ATM: variants seen among roughly 807,000 people sequenced by gnomAD.
ATM encodes the protein serine-protein kinase ATM.
A neutral mutation model predicts 387.0 loss-of-function variants in ATM; 308 were observed. The ratio of observed to expected loss-of-function variants is 0.80; its 90% confidence interval spans 0.73 to 0.87. The LOEUF (loss-of-function observed/expected upper bound fraction) is 0.87. ATM is among the 40% of genes least tolerant of loss of function. ATM has a pLI of 0.00. For synonymous variants in ATM, 1,156 were observed against 1,187.3 expected, an observed-to-expected ratio of 0.97 and a Z score of 0.54; for missense variants, 3,312 against 3,560.9, an observed-to-expected ratio of 0.93 and a Z score of 1.78.
In ATM at chr11:108,325,249, G is replaced by GTTTTTTTTTTT; in HGVS notation, c.6573-52_6573-42dup. On this transcript the variant is annotated intron_variant, in intron 45 of 62. Coordinates refer to ENST00000675843, the MANE Select transcript of ATM (RefSeq NM_000051.4). ...TATCGTAAGTTCCAGAACTTACATA[G>GTTTTTTTTTTT]TTTTTTTTTTTTTTTTTTTCATTTC... 7.1e-6 allele frequency: 4 copies of GTTTTTTTTTTT among 565,840 alleles called. 1 individual carries two copies. The African/African-American group carries it at 7.2e-5, about 10-fold the overall frequency. 35.1% of individuals were successfully genotyped at this position (565,840 alleles called of 1,614,324 possible). A position where few individuals can be genotyped will look rare whatever the true frequency, so the allele number is the denominator to read the frequency against.
chr11:108,304,611 TA>T, intron 36 of ATM, 63 bp from the exon 37 acceptor site: 1 of 1,507,444 alleles, frequency 6.6e-7, no homozygotes, highest in Non-Finnish European at 9.1e-7. Flanking sequence ...AAATTTTAAG[TA>T]AAATGTATTA....
At chr11:108,322,586 G>A (rs1280907310) in intron 45 of ATM, among the ~76,000 whole-genome samples, 1 of 152,166 alleles carries the variant, frequency 6.6e-6, no homozygotes, top group African/African-American at 2.4e-5. Flanking sequence ...ATGATCCAGG[G>A]ATTTTGGAAG....
rs527826471 is a variant in ATM at position 108,278,343 on chromosome 11, C to CTGAG, written c.3285-1145_3285-1144insGTGA. The stretch of plus-strand genomic sequence containing the variant: ...TTTCACAGATAAAAGCAAATGTATG[C>CTGAG]TGAACTTTAAGGACTGAGGTAATAT... On this transcript the variant is annotated intron_variant, in intron 22 of 62. Transcript: ENST00000675843. 1.4e-3 allele frequency among the ~76,000 whole-genome samples: 208 copies of CTGAG among 152,136 alleles called. 1 individual carries two copies. Among genetic ancestry groups the CTGAG allele is most frequent in the African/African-American group, 4.7e-3 (196 of 41,498 alleles).
At chr11:108,334,379 GTAT>G (rs1387527026) in intron 54 of ATM, among the ~76,000 whole-genome samples, 2 of 152,070 alleles carry the variant, frequency 1.3e-5, no homozygotes, top group South Asian at 2.1e-4. Context: ...AATATAGTAT[GTAT>G]TATTATAATA....
intron 16 of ATM, 21 bp downstream of exon 16, chr11:108,259,096 G>T (rs2080703905): frequency 6.3e-7 from 1 of 1,590,376 alleles, no homozygotes; most frequent in Non-Finnish European, 8.6e-7. Context: ...TTCCTGTTTT[G>T]CTATCATATT....
In ATM at chr11:108,227,819, C is replaced by A. The variant is rs1555054109; in HGVS notation, c.116C>A (p.Thr39Lys). The A allele has an allele frequency of 6.2e-7, 1 of 1,613,650 alleles. No individual in the cohort carries two copies. The highest frequency in any genetic ancestry group is 8.5e-7 in the Non-Finnish European group (1 of 1,179,836). ...KFKRLIRDPE[T>K]IKHLDRHSDS... Reference sequence around the variant, plus strand: ...AAGCGCCTGATTCGAGATCCTGAAACAATTAAACATCTAGATCGGCATTCA... The same window carrying A: ...AAGCGCCTGATTCGAGATCCTGAAAAAATTAAACATCTAGATCGGCATTCA... The change falls in exon 3 of 63, where the codon ACA becomes AAA. Residue 39 changes from threonine to lysine, a missense_variant. Thr to Lys is a moderately conservative substitution (Grantham distance 78). Coordinates refer to ENST00000675843, the MANE Select transcript of ATM (RefSeq NM_000051.4).
chr11:108,272,324 T>C (rs2081626445), intron 20 of ATM, among the ~76,000 whole-genome samples: 1 of 152,202 alleles, frequency 6.6e-6, no homozygotes, highest in Admixed American at 6.5e-5. Context: ...ATAAAACAAA[T>C]AATATACGCT....
rs1555054039 is a variant in ATM at position 108,227,773 on chromosome 11, C to T, written c.73-3C>T. On this transcript the variant is annotated splice_region_variant and splice_polypyrimidine_tract_variant and intron_variant, in intron 2 of 62. Transcript: ENST00000675843. ...CCCATTATTATTTCCTTTTTATTTTCAGAAAGAAGTTGAGAAATTTAAGCG... is the reference window on the plus strand; with the variant it reads ...CCCATTATTATTTCCTTTTTATTTTTAGAAAGAAGTTGAGAAATTTAAGCG... 6.2e-7 allele frequency: 1 copy of T among 1,613,152 alleles called. No homozygotes were observed.
rs3092836 is a variant in ATM at position 108,366,935 on chromosome 11, T to C, written c.*1427T>C. 0.02 allele frequency: 4,373 copies of C among 221,776 alleles called. 125 individuals are homozygous for C. The highest frequency in any genetic ancestry group is 0.077 in the African/African-American group (3,438 of 44,764). 13.7% of individuals were successfully genotyped at this position (221,776 alleles called of 1,614,324 possible). On this transcript the variant is annotated 3_prime_UTR_variant, in exon 63 of 63. Transcript: ENST00000675843. ...CCGTGGGTTAATGAGACTGGCAAATTGTTCCAGGACAGCTACAGCATCAGC... is the reference window on the plus strand; with the variant it reads ...CCGTGGGTTAATGAGACTGGCAAATCGTTCCAGGACAGCTACAGCATCAGC...
chr11:108,309,013 A>G, intron 38 of ATM: 4 of 1,528,472 alleles, frequency 2.6e-6, no homozygotes, highest in Non-Finnish European at 2.6e-6. Flanking sequence ...CAGGAGTTGG[A>G]GAAGATAAAA....
chr11:108,295,288 T>G, intron 32 of ATM: 1 of 512,658 alleles, frequency 2.0e-6, no homozygotes, highest in South Asian at 2.3e-5. Context: ...AACCCAAATA[T>G]GATCATGTTT....
intron 11 of ATM, 125 bp downstream of exon 11, chr11:108,252,156 A>G (rs2080190007): frequency 1.3e-6 from 1 of 797,238 alleles, no homozygotes; most frequent in Admixed American, 2.8e-5. Context: ...TCTAACCTTA[A>G]TTATTAAATA....
At chr11:108,327,531 T>C (rs1341282686) in intron 47 of ATM, 114 bp from the exon 48 acceptor site, 16 of 807,534 alleles carry the variant, frequency 2.0e-5, no homozygotes, top group South Asian at 3.0e-5. Context: ...ACTTTTTTTT[T>C]CCCACCCACC....
At chr11:108,286,261 C>T (rs2082483727) in intron 26 of ATM, among the ~76,000 whole-genome samples, 2 of 127,338 alleles carry the variant, frequency 1.6e-5, no homozygotes, top group South Asian at 5.0e-4. Context: ...TGCAGTGAGC[C>T]AAGATTGTAC....
intron 4 of ATM, among the ~76,000 whole-genome samples, chr11:108,235,363 C>T (rs532138082): frequency 1.1e-4 from 16 of 151,546 alleles, no homozygotes; most frequent in Admixed American, 9.8e-4. Context: ...GGCAAACTTA[C>T]TGTGTAAAGA....
intron 5 of ATM, among the ~76,000 whole-genome samples, chr11:108,242,600 C>T (rs936377972): frequency 1.3e-5 from 2 of 152,022 alleles, no homozygotes; most frequent in Non-Finnish European, 2.9e-5. Flanking sequence ...TGGCTTACAC[C>T]TGTCATCTCA....
chr11:108,293,712 C>T (rs1180841688), intron 31 of ATM, among the ~76,000 whole-genome samples: 2 of 151,150 alleles, frequency 1.3e-5, no homozygotes, highest in African/African-American at 4.9e-5. Context: ...ATGGCGAAAC[C>T]CCGTCTCTAC....
At chr11:108,364,975 T>C (rs529889015) in intron 61 of ATM, 107 bp from the exon 62 acceptor site, 1 of 1,300,982 alleles carries the variant, frequency 7.7e-7, no homozygotes, top group South Asian at 1.3e-5. Context: ...CCCTCCCCCA[T>C]CAACTACCAT....
chr11:108,330,198 A>C lies in ATM; in HGVS notation c.7308-16A>C. 6.2e-7 allele frequency: 1 copy of C among 1,609,774 alleles called. No homozygotes were observed. The highest frequency in any genetic ancestry group is 1.7e-4 in the Middle Eastern group (1 of 6,054). ...GTTCATGGCTTTTGTGTTTTACCTT[A>C]ATTATTCTATGCAAGATACACAGTA... On this transcript the variant is annotated splice_polypyrimidine_tract_variant and intron_variant, in intron 49 of 62. Transcript: ENST00000675843.
Sources: gnomAD v4.1 joint callset for allele counts (sites outside exome capture counted in the v4.1 genomes callset) on GRCh38, gnomAD v4.1.1 for gene constraint, MANE v1.5 for transcripts, NCBI Gene and HGNC (gene_info 2026-07-23, HGNC 2026-07-21) for gene names.